The following EXOC6B variants were observed in gnomAD, a reference collection of about 807,000 sequenced individuals.
EXOC6B encodes exocyst complex component 6B, also known as SEC15 homolog B.
EXOC6B carries 54 observed loss-of-function variants against 113.5 expected under a neutral mutation model. That is an observed-to-expected ratio of 0.48 (90% CI 0.38 to 0.60). The LOEUF is 0.60. Ranked by LOEUF, EXOC6B falls within the 20% of genes least tolerant of loss-of-function variation. The pLI, the probability that EXOC6B is intolerant of heterozygous loss-of-function variation, is 0.00. For synonymous variants in EXOC6B, 357 were observed against 339.0 expected, an observed-to-expected ratio of 1.05 and a Z score of -0.58; for missense variants, 797 against 977.5, an observed-to-expected ratio of 0.82 and a Z score of 2.46.
At chr2:72,254,103 T>C (rs1396075579) in intron 20 of EXOC6B, among the ~76,000 whole-genome samples, 2 of 150,356 alleles carry the variant, frequency 1.3e-5, no homozygotes, top group Non-Finnish European at 3.0e-5. Flanking sequence ...GAGGTTGCAG[T>C]GAGCCGAGAT....
chr2:72,397,920 G>A (rs1692856474), intron 18 of EXOC6B, among the ~76,000 whole-genome samples: 1 of 152,118 alleles, frequency 6.6e-6, no homozygotes, highest in Admixed American at 6.6e-5. Context: ...GTAGAGAAAG[G>A]AGGGAAATAA....
chr2:72,199,429 G>T (rs1259040393), intron 20 of EXOC6B, among the ~76,000 whole-genome samples: 1 of 152,172 alleles, frequency 6.6e-6, no homozygotes, highest in Admixed American at 6.5e-5. Context: ...GGAAAGTGAA[G>T]AGATATGTCT....
chr2:72,268,421 A>C (rs1009198276), intron 20 of EXOC6B, among the ~76,000 whole-genome samples: 1 of 152,112 alleles, frequency 6.6e-6, no homozygotes, highest in Non-Finnish European at 1.5e-5. Context: ...TCAACATATA[A>C]AAGGAGAAAA....
chr2:72,792,768 A>G (rs1473468137), intron 1 of EXOC6B, among the ~76,000 whole-genome samples: 3 of 152,130 alleles, frequency 2.0e-5, no homozygotes, highest in Non-Finnish European at 2.9e-5. Flanking sequence ...TTACTCTACC[A>G]AGTATCTCTC....
chr2:72,418,587 A>G (rs946651993), intron 18 of EXOC6B, among the ~76,000 whole-genome samples: 8 of 152,084 alleles, frequency 5.3e-5, no homozygotes, highest in Admixed American at 1.3e-4. Flanking sequence ...TGCAACCTTT[A>G]TTGATTTAAA....
At chr2:72,214,160 G>A (rs1401614060) in intron 20 of EXOC6B, among the ~76,000 whole-genome samples, 1 of 152,116 alleles carries the variant, frequency 6.6e-6, no homozygotes, top group African/African-American at 2.4e-5. Flanking sequence ...CTGGTGCCTG[G>A]AGCACAGGAT....
intron 1 of EXOC6B, among the ~76,000 whole-genome samples, chr2:72,753,803 C>A (rs1573741841): frequency 6.6e-6 from 1 of 152,178 alleles, no homozygotes; most frequent in East Asian, 1.9e-4. Context: ...CCTGCAATGT[C>A]CTTACCATCA....
intron 20 of EXOC6B, among the ~76,000 whole-genome samples, chr2:72,316,953 C>G (rs1244441891): frequency 6.6e-6 from 1 of 152,092 alleles, no homozygotes; most frequent in Non-Finnish European, 1.5e-5. Context: ...GCAGAGGCAG[C>G]CTAAAGCTTA....
intron 20 of EXOC6B, among the ~76,000 whole-genome samples, chr2:72,293,584 C>T (rs1453980142): frequency 6.6e-6 from 1 of 152,114 alleles, no homozygotes; most frequent in Non-Finnish European, 1.5e-5. Context: ...GGGCCATCCA[C>T]ACTCAAAAAT....
At chr2:72,266,097 G>A (rs1259806503) in intron 20 of EXOC6B, among the ~76,000 whole-genome samples, 4 of 152,086 alleles carry the variant, frequency 2.6e-5, no homozygotes, top group Non-Finnish European at 5.9e-5. Flanking sequence ...TTGTTGATGG[G>A]GTTGTTTGTT....
intron 7 of EXOC6B, among the ~76,000 whole-genome samples, chr2:72,560,925 T>C (rs1573394776): frequency 6.6e-6 from 1 of 152,042 alleles, no homozygotes; most frequent in Admixed American, 6.5e-5. Flanking sequence ...AGCATGCAGT[T>C]TAAAAACAAT....
intron 6 of EXOC6B, among the ~76,000 whole-genome samples, chr2:72,637,347 C>G (rs750358818): frequency 6.6e-6 from 1 of 152,068 alleles, no homozygotes; most frequent in Non-Finnish European, 1.5e-5. Flanking sequence ...AAGAGACAAC[C>G]TACAGAATGG....
intron 18 of EXOC6B, among the ~76,000 whole-genome samples, chr2:72,385,572 G>A (rs1031242900): frequency 2.0e-5 from 3 of 151,908 alleles, no homozygotes; most frequent in Non-Finnish European, 4.4e-5. Context: ...AAAGTGTGAA[G>A]AGAACCTACA....
intron 20 of EXOC6B, among the ~76,000 whole-genome samples, chr2:72,218,306 AT>A (rs1267843706): frequency 6.6e-6 from 1 of 152,236 alleles, no homozygotes; most frequent in Non-Finnish European, 1.5e-5. Context: ...AATCCTAAGC[AT>A]AAAGTCATTT....
chr2:72,251,472 C>T (rs1414136966), intron 20 of EXOC6B, among the ~76,000 whole-genome samples: 2 of 152,106 alleles, frequency 1.3e-5, no homozygotes, highest in African/African-American at 2.4e-5. Flanking sequence ...CTGTTATTCA[C>T]GTGAAACTAA....
intron 1 of EXOC6B, among the ~76,000 whole-genome samples, chr2:72,803,345 C>T (rs777985063): frequency 6.6e-6 from 1 of 151,560 alleles, no homozygotes; most frequent in African/African-American, 2.4e-5. Context: ...CCCAACTGAC[C>T]ACACAATGAC....
intron 5 of EXOC6B, 35 bp downstream of exon 5, chr2:72,730,972 A>G (rs996046032): frequency 5.7e-5 from 82 of 1,444,940 alleles, no homozygotes; most frequent in Non-Finnish European, 7.5e-5. Context: ...GAAATTTTAG[A>G]TAGTAAAAAC....
chr2:72,281,109 T>C (rs1199659905), intron 20 of EXOC6B, among the ~76,000 whole-genome samples: 1 of 152,194 alleles, frequency 6.6e-6, no homozygotes, highest in African/African-American at 2.4e-5. Context: ...CATAAAGGGA[T>C]ACCTATAATA....
intron 6 of EXOC6B, among the ~76,000 whole-genome samples, chr2:72,670,763 T>C (rs1001412388): frequency 1.1e-4 from 17 of 152,214 alleles, no homozygotes; most frequent in Non-Finnish European, 2.2e-4. Flanking sequence ...CTTTACTGAA[T>C]GCTATTCTTA....
Sources: allele counts gnomAD v4.1 joint callset (sites outside exome capture counted in the v4.1 genomes callset), GRCh38; gene constraint gnomAD v4.1.1; transcripts MANE v1.5; gene names NCBI Gene and HGNC (gene_info 2026-07-23, HGNC 2026-07-21).